LCLAT1: variants seen among roughly 807,000 people sequenced by gnomAD.
The protein encoded by LCLAT1 is 1-AGP acyltransferase 8.
Under a neutral mutation model 30.7 loss-of-function variants are expected in LCLAT1, and 11 were observed. The ratio of observed to expected loss-of-function variants is 0.36; its 90% CI spans 0.23 to 0.59. LCLAT1 has a LOEUF of 0.59. Ranked by LOEUF, LCLAT1 falls within the 20% of genes least tolerant of loss-of-function variation. The pLI is 0.77. For missense variants in LCLAT1, 402 were observed against 458.6 expected, an observed-to-expected ratio of 0.88 and a Z score of 1.13; for synonymous variants, 155 against 151.3, an observed-to-expected ratio of 1.02 and a Z score of -0.18.
At chr2:30,547,366 T>TA (rs1664471957) in intron 3 of LCLAT1, among the ~76,000 whole-genome samples, 1 of 152,252 alleles carries the variant, frequency 6.6e-6, no homozygotes, top group Admixed American at 6.5e-5. Context: ...TCCTCTGTGT[T>TA]ATTCCACATA....
At position 30,598,120 on chromosome 2, in the gene LCLAT1, TGC is replaced by T. The variant is rs1237794357; in HGVS notation, c.628+29945_628+29946del. 2.6e-5 allele frequency among the ~76,000 whole-genome samples: 4 copies of T among 152,202 alleles called. 1 individual carries two copies. Among genetic ancestry groups the T allele is most frequent in the Non-Finnish European group, 5.9e-5 (4 of 68,030 alleles). Reference sequence around the variant, plus strand: ...AAGTTTTCTTTTTTTGATATATCTCTGCCAGGTTTTGGTATCAGGATAATACT... The same window carrying T: ...AAGTTTTCTTTTTTTGATATATCTCTCAGGTTTTGGTATCAGGATAATACT... On this transcript the variant is annotated intron_variant, in intron 5 of 5. Coordinates refer to ENST00000379509, the MANE Select transcript of LCLAT1 (RefSeq NM_001002257.3).
intron 1 of LCLAT1, among the ~76,000 whole-genome samples, chr2:30,479,243 T>A (rs2148306328): frequency 6.6e-6 from 1 of 152,170 alleles, no homozygotes; most frequent in Non-Finnish European, 1.5e-5. Flanking sequence ...TTTGGTTTTT[T>A]TTTTGGGACA....
intron 1 of LCLAT1, among the ~76,000 whole-genome samples, chr2:30,507,727 G>T (rs893135999): frequency 6.6e-6 from 1 of 152,104 alleles, no homozygotes; most frequent in Non-Finnish European, 1.5e-5. Context: ...GGGCATTTAG[G>T]TTGATTCCAT....
chr2:30,458,311 G>A (rs1279454283), intron 1 of LCLAT1, among the ~76,000 whole-genome samples: 2 of 152,236 alleles, frequency 1.3e-5, no homozygotes, highest in East Asian at 1.9e-4. Flanking sequence ...CTAGGAAGAA[G>A]CATTAGGGCT....
At chr2:30,534,670 T>C (rs1686155255) in intron 3 of LCLAT1, among the ~76,000 whole-genome samples, 1 of 152,224 alleles carries the variant, frequency 6.6e-6, no homozygotes, top group Non-Finnish European at 1.5e-5. Context: ...ACATGGCAGC[T>C]GGCTTTCCTT....
chr2:30,492,039 C>T (rs1023654568), intron 1 of LCLAT1, among the ~76,000 whole-genome samples: 6 of 152,128 alleles, frequency 3.9e-5, no homozygotes, highest in Admixed American at 3.3e-4. Flanking sequence ...TGTATCATGT[C>T]GTATGTATCC....
At chr2:30,494,826 A>AT (rs1315019638) in intron 1 of LCLAT1, among the ~76,000 whole-genome samples, 2,389 of 140,150 alleles carry the variant, frequency 0.017, 31 homozygotes, top group African/African-American at 0.04. Flanking sequence ...ATCATTTTTA[A>AT]TTTTTTTTTT....
At chr2:30,572,566 T>C (rs982329669) in intron 5 of LCLAT1, among the ~76,000 whole-genome samples, 37 of 152,308 alleles carry the variant, frequency 2.4e-4, no homozygotes, top group Non-Finnish European at 2.8e-4. Context: ...GGAGCCTGGC[T>C]CCGTTTAGCA....
At chr2:30,521,787 G>T (rs949003268) in intron 1 of LCLAT1, among the ~76,000 whole-genome samples, 2 of 151,890 alleles carry the variant, frequency 1.3e-5, no homozygotes, top group Admixed American at 1.3e-4. Flanking sequence ...TTACAGGCAT[G>T]AGCCACCGCT....
In LCLAT1 at chr2:30,640,623, T is replaced by G; in HGVS notation, c.*4T>G. 6.3e-7 allele frequency: 1 copy of G among 1,587,942 alleles called. No individual in the cohort carries two copies. The highest frequency in any genetic ancestry group is 2.2e-5 in the East Asian group (1 of 44,752). ...AAATTCAAAGAAAAATGAGTAAGATTATAAGGTTTGCCATGTGAAAACCTA... is the reference window on the plus strand; with the variant it reads ...AAATTCAAAGAAAAATGAGTAAGATGATAAGGTTTGCCATGTGAAAACCTA... On this transcript the variant is annotated 3_prime_UTR_variant, in exon 6 of 6. Coordinates refer to ENST00000379509, the MANE Select transcript of LCLAT1 (RefSeq NM_001002257.3).
chr2:30,609,371 C>G (rs890543151), intron 5 of LCLAT1, among the ~76,000 whole-genome samples: 1 of 152,102 alleles, frequency 6.6e-6, no homozygotes, highest in Non-Finnish European at 1.5e-5. Context: ...TACATTTCAG[C>G]TTTATCCATC....
intron 5 of LCLAT1, among the ~76,000 whole-genome samples, chr2:30,576,332 G>A (rs879714000): frequency 1.3e-5 from 2 of 152,004 alleles, no homozygotes; most frequent in Non-Finnish European, 2.9e-5. Context: ...TATTTTTGTC[G>A]GTTTCCCATT....
intron 1 of LCLAT1, among the ~76,000 whole-genome samples, chr2:30,453,561 C>G (rs948016750): frequency 6.6e-6 from 1 of 152,176 alleles, no homozygotes; most frequent in African/African-American, 2.4e-5. Context: ...CAAAACGTTT[C>G]TTGACTAAAC....
At chr2:30,607,410 A>G (rs1201379398) in intron 5 of LCLAT1, 1 of 152,118 alleles carries the variant, frequency 6.6e-6, no homozygotes, top group Non-Finnish European at 1.5e-5. Flanking sequence ...CATGCAACAC[A>G]TAATGACGTT....
intron 5 of LCLAT1, among the ~76,000 whole-genome samples, chr2:30,628,252 A>G (rs1668610018): frequency 6.6e-6 from 1 of 152,248 alleles, no homozygotes; most frequent in Admixed American, 6.5e-5. Context: ...ACTGAAATTT[A>G]TTAGAAGACA....
intron 5 of LCLAT1, chr2:30,606,234 A>C (rs1433260563): frequency 6.2e-6 from 2 of 322,262 alleles, no homozygotes; most frequent in African/African-American, 2.3e-5. Flanking sequence ...AATTAGAAAA[A>C]ACTCTTAAAA....
At chr2:30,545,927 T>G (rs977819838) in intron 3 of LCLAT1, among the ~76,000 whole-genome samples, 2 of 152,130 alleles carry the variant, frequency 1.3e-5, no homozygotes, top group African/African-American at 4.8e-5. Flanking sequence ...ATTAAAGAGA[T>G]AGTGATTTAA....
chr2:30,637,589 T>A (rs1669098122), intron 5 of LCLAT1, among the ~76,000 whole-genome samples: 1 of 152,164 alleles, frequency 6.6e-6, no homozygotes, highest in African/African-American at 2.4e-5. Context: ...CCAGTTCTTT[T>A]TTATTGAGAC....
At chr2:30,623,981 AC>A (rs2148519553) in intron 5 of LCLAT1, among the ~76,000 whole-genome samples, 1 of 152,308 alleles carries the variant, frequency 6.6e-6, no homozygotes, top group East Asian at 1.9e-4. Context: ...TAAAACAATT[AC>A]CAGCCAAGAA....
Sources: allele counts gnomAD v4.1 joint callset (sites outside exome capture counted in the v4.1 genomes callset), GRCh38; gene constraint gnomAD v4.1.1; transcripts MANE v1.5; gene names NCBI Gene and HGNC (gene_info 2026-07-23, HGNC 2026-07-21).